Variants in SI observed in about 807,000 individuals in gnomAD.
SI encodes the protein sucrase-isomaltase, intestinal.
In SI, 235 loss-of-function variants were observed where a neutral mutation model predicts 253.3. The ratio of observed to expected loss-of-function variants is 0.93; its 90% CI spans 0.83 to 1.03. The LOEUF (loss-of-function observed/expected upper bound fraction) is 1.03, where lower values mean the gene tolerates loss of function less well. Among genes scored for constraint, SI ranks in the 50% least tolerant of loss-of-function variants. The probability of loss-of-function intolerance (pLI) is 0.00; values close to 1 mark genes in which losing one functional copy is unlikely to be tolerated. For synonymous variants in SI, 819 were observed against 712.0 expected, an observed-to-expected ratio of 1.15 and a Z score of -2.39; for missense variants, 2,442 against 2,211.1, an observed-to-expected ratio of 1.10 and a Z score of -2.09.
chr3:165,076,330 G>T (rs1186186965), intron 1 of SI, among the ~76,000 whole-genome samples: 1 of 151,734 alleles, frequency 6.6e-6, no homozygotes, highest in African/African-American at 2.4e-5. Flanking sequence ...TCTTCAAGTA[G>T]GTGTGTCTTG....
chr3:165,065,223 T>C (rs369807961), intron 7 of SI, 38 bp downstream of exon 7: 13 of 1,299,090 alleles, frequency 1.0e-5, no homozygotes, highest in African/African-American at 1.4e-5. Flanking sequence ...TGCTGCAATA[T>C]AGTGATTTTA....
intron 24 of SI, among the ~76,000 whole-genome samples, 161 bp from the exon 25 acceptor site, chr3:165,031,028 T>C (rs192790304): frequency 1.7e-4 from 26 of 150,424 alleles, no homozygotes; most frequent in African/African-American, 2.7e-4. Flanking sequence ...ATTAATAGTT[T>C]TGATAAAATA....
rs1360897504 is a variant in SI, at chr3:165,044,453, AC to A, written c.1888-1279del. 5.3e-5 allele frequency among the ~76,000 whole-genome samples: 8 copies of A among 152,018 alleles called. No individual in the cohort carries two copies. In the East Asian group the frequency reaches 1.4e-3, roughly 26 times the overall value. ...TTGATATTTTCAGACAAATTTTATCACCTTTCTTCATAAAATATATCTCACC... is the reference window on the plus strand; with the variant it reads ...TTGATATTTTCAGACAAATTTTATCACTTTCTTCATAAAATATATCTCACC... On this transcript the variant is annotated intron_variant, in intron 16 of 47. Coordinates refer to ENST00000264382, the MANE Select transcript of SI (RefSeq NM_001041.4).
At chr3:165,082,912 G>A (rs1280153133), upstream of SI, among the ~76,000 whole-genome samples, 1 of 151,896 alleles carries the variant, frequency 6.6e-6, no homozygotes, top group Non-Finnish European at 1.5e-5. Flanking sequence ...TGTGCTGTGT[G>A]GCTATAGAGG....
chr3:165,059,199 T>C lies in SI; in HGVS notation c.1247A>G (p.His416Arg). 6.2e-7 allele frequency: 1 copy of C among 1,612,788 alleles called. No individual in the cohort carries two copies. Among genetic ancestry groups the C allele is most frequent in the Middle Eastern group, 1.7e-4 (1 of 6,058 alleles). Residue 416 changes from histidine (H) to arginine (R), a missense_variant, in exon 11 of 48, where the codon CAT (histidine) becomes CGT (arginine). His to Arg is a conservative substitution (Grantham distance 29). Coordinates refer to ENST00000264382, the MANE Select transcript of SI (RefSeq NM_001041.4). ...NGLPQFVQDL[H>R]DHGQKYVIIL... The stretch of plus-strand genomic sequence containing the variant: ...GATGACATATTTCTGTCCATGGTCA[T>C]GCAAATCTTGCACAAATTGAGGGAG...
At position 165,042,616 on chromosome 3, in the gene SI, A is replaced by G. The variant is rs560380049; in HGVS notation, c.2004+443T>C. Among the ~76,000 whole-genome samples the G allele has an allele frequency of 2.0e-5, 3 of 152,182 alleles. No homozygotes were observed. In the East Asian group the frequency reaches 5.8e-4, roughly 29 times the overall value. ...TATTATTGAAAGACGCTGGACTCTA[A>G]TTGTTTTGTGACTATCTTTAAATTC... On this transcript the variant is annotated intron_variant, in intron 17 of 47. Coordinates refer to ENST00000264382, the MANE Select transcript of SI (RefSeq NM_001041.4).
rs1718020231 is a variant in SI at position 164,996,564 on chromosome 3, A to G, written c.4663T>C (p.Ser1555Pro). The stretch of plus-strand genomic sequence containing the variant: ...GTATTTGCAATGTTGTGATTCCTTG[A>G]GTATGGATAAAATGCTCCAAGTTGC... ...WMQLGAFYPY[S>P]RNHNIANTRR... The change falls in exon 40 of 48, where the codon TCA becomes CCA. Residue 1555 changes from serine (S) to proline (P), a missense_variant. Coordinates refer to ENST00000264382, the MANE Select transcript of SI (RefSeq NM_001041.4). The G allele has an allele frequency of 6.3e-7, 1 of 1,599,154 alleles. No individual in the cohort carries two copies.
In SI at chr3:165,065,446, GAAAT is replaced by G. The variant is rs1560015700; in HGVS notation, c.636-18_636-15del. ...CTGGTGTCAAACCTGCACCATAAAA[GAAAT>G]AAAGAAATAATCTAATATATATATA... On this transcript the variant is annotated splice_polypyrimidine_tract_variant and intron_variant, in intron 6 of 47. Transcript: ENST00000264382. 3.6e-6 allele frequency: 3 copies of G among 843,338 alleles called. No individual in the cohort carries two copies. The highest frequency in any genetic ancestry group is 4.9e-6 in the Non-Finnish European group (3 of 606,820). 52.2% of individuals were successfully genotyped at this position (843,338 alleles called of 1,614,324 possible). A position where few individuals can be genotyped will look rare whatever the true frequency, so the allele number is the denominator to read the frequency against.
intron 47 of SI, among the ~76,000 whole-genome samples, chr3:164,981,570 G>A (rs927703996): frequency 6.6e-6 from 1 of 152,132 alleles, no homozygotes; most frequent in East Asian, 1.9e-4. Flanking sequence ...TAGTGCATAA[G>A]TAGGCTTAAA....
intron 47 of SI, among the ~76,000 whole-genome samples, chr3:164,980,553 T>C (rs1386770879): frequency 6.6e-6 from 1 of 151,910 alleles, no homozygotes; most frequent in Non-Finnish European, 1.5e-5. Context: ...AAAACAGTGA[T>C]TACTCATAAA....
rs202208100 is a variant in SI, at chr3:165,006,531, A to G, written c.4406+285T>C. 3.9e-5 allele frequency among the ~76,000 whole-genome samples: 6 copies of G among 152,308 alleles called. No homozygotes were observed. In the East Asian group the frequency reaches 9.6e-4, roughly 24 times the overall value. ...ATCCAATATTATTTATTGAGCACCT[A>G]CAATTGGCCAGGCACTATGCTGGGC... On this transcript the variant is annotated intron_variant, in intron 37 of 47. Coordinates refer to ENST00000264382, the MANE Select transcript of SI (RefSeq NM_001041.4).
chr3:164,989,191 C>T (rs958117863), intron 44 of SI, among the ~76,000 whole-genome samples: 2 of 150,352 alleles, frequency 1.3e-5, no homozygotes, highest in Non-Finnish European at 3.0e-5. Context: ...ACTAAAAATA[C>T]AAAAATTAGC....
rs1717620530 is a variant in SI at position 164,989,427 on chromosome 3, A to AG, written c.5108+1925dup. Among the ~76,000 whole-genome samples the AG allele has an allele frequency of 2.8e-5, 4 of 143,670 alleles. No individual in the cohort carries two copies. In the East Asian group the frequency reaches 8.1e-4, roughly 29 times the overall value. The allele number at this position is 143,670 out of a possible 152,430, so 94.3% of individuals were successfully genotyped here. A position where few individuals can be genotyped will look rare whatever the true frequency, so the allele number is the denominator to read the frequency against. ...AAGAAAGAAAGAAAGAAAGAAAGAA[A>AG]GAAAGAAAGGAAAGAAAGAAGAGAG... On this transcript the variant is annotated intron_variant, in intron 44 of 47. Coordinates refer to ENST00000264382, the MANE Select transcript of SI (RefSeq NM_001041.4).
chr3:165,012,540 T>C (rs1292562860), intron 34 of SI, among the ~76,000 whole-genome samples: 2 of 152,118 alleles, frequency 1.3e-5, no homozygotes, highest in African/African-American at 2.4e-5. Flanking sequence ...ACCATTCTCC[T>C]GCCTCAGCTT....
chr3:165,064,813 A>G (rs2108257676), intron 7 of SI, among the ~76,000 whole-genome samples: 1 of 152,228 alleles, frequency 6.6e-6, no homozygotes, highest in East Asian at 1.9e-4. Flanking sequence ...CTGTGCAAAG[A>G]TTTGAAGTTA....
At chr3:165,010,707 T>G (rs533621787) in intron 34 of SI, among the ~76,000 whole-genome samples, 78 of 152,286 alleles carry the variant, frequency 5.1e-4, no homozygotes, top group African/African-American at 1.5e-3. Context: ...CTTCTATCAC[T>G]TAAATAAAAT....
At chr3:165,026,152 C>A (rs1283009268) in intron 25 of SI, among the ~76,000 whole-genome samples, 1 of 151,062 alleles carries the variant, frequency 6.6e-6, no homozygotes, top group Non-Finnish European at 1.5e-5. Context: ...ACATTCCATG[C>A]AAATGAACAC....
chr3:164,979,508 G>T, intron 47 of SI, 78 bp from the exon 48 acceptor site: 1 of 821,506 alleles, frequency 1.2e-6, no homozygotes, highest in Non-Finnish European at 2.1e-6. Flanking sequence ...TTTCAAAAAA[G>T]TTTTCTAATA....
chr3:165,038,020 G>T lies in SI; in HGVS notation c.2306C>A (p.Ala769Glu). The change falls in exon 21 of 48, where the codon GCA (alanine) becomes GAA (glutamate). Residue 769 changes from alanine to glutamate, a missense_variant. By Grantham distance (107) the Ala-to-Glu change is moderately radical. Coordinates refer to ENST00000264382, the MANE Select transcript of SI (RefSeq NM_001041.4). ...CCGTTGTTTCCTCCATGGCCTTTTT[G>T]CACCCTAATAATTGGAAGATTAAAA... ...DAIWYDYESG[A>E]KRPWRKQRVD... 2 of 1,582,290 alleles carry T rather than the reference G, an allele frequency of 1.3e-6. No individual in the cohort carries two copies. The highest frequency in any genetic ancestry group is 1.7e-6 in the Non-Finnish European group (2 of 1,152,104).
Sources: gnomAD v4.1 joint callset for allele counts (sites outside exome capture counted in the v4.1 genomes callset) on GRCh38, gnomAD v4.1.1 for gene constraint, MANE v1.5 for transcripts, NCBI Gene and HGNC (gene_info 2026-07-23, HGNC 2026-07-21) for gene names.